HS6ST3: variants seen among roughly 807,000 people sequenced by gnomAD.
The protein encoded by HS6ST3 is heparan-sulfate 6-O-sulfotransferase 3.
A neutral mutation model predicts 36.7 loss-of-function variants in HS6ST3; 12 were observed. The observed-to-expected ratio is 0.33, with a 90% CI of 0.21 to 0.53. The LOEUF is 0.53. Ranked by LOEUF, HS6ST3 falls within the 20% of genes least tolerant of loss-of-function variation. HS6ST3 has a pLI of 0.95. For missense variants in HS6ST3, 584 were observed against 640.9 expected, an observed-to-expected ratio of 0.91 and a Z score of 0.96; for synonymous variants, 240 against 257.5, an observed-to-expected ratio of 0.93 and a Z score of 0.65.
chr13:96,321,888 C>T (rs2055004708), intron 1 of HS6ST3, among the ~76,000 whole-genome samples: 1 of 152,090 alleles, frequency 6.6e-6, no homozygotes, highest in Admixed American at 6.5e-5. Flanking sequence ...ACCATGCTTC[C>T]CTGGCCCATT....
intron 1 of HS6ST3, among the ~76,000 whole-genome samples, chr13:96,624,162 T>A (rs567977929): frequency 6.6e-6 from 1 of 152,208 alleles, no homozygotes; most frequent in Non-Finnish European, 1.5e-5. Flanking sequence ...CAGGTGTGTG[T>A]ATATATATAT....
At chr13:96,599,741 TC>T (rs2056414777) in intron 1 of HS6ST3, among the ~76,000 whole-genome samples, 1 of 152,152 alleles carries the variant, frequency 6.6e-6, no homozygotes, top group African/African-American at 2.4e-5. Context: ...AAGTTTGTGA[TC>T]TTTCTGTCCT....
At chr13:96,106,280 T>C (rs1033035871) in intron 1 of HS6ST3, among the ~76,000 whole-genome samples, 2 of 152,068 alleles carry the variant, frequency 1.3e-5, no homozygotes, top group African/African-American at 4.8e-5. Context: ...GAAGAGGAGA[T>C]GAGATGCCCC....
intron 1 of HS6ST3, among the ~76,000 whole-genome samples, chr13:96,257,363 T>A (rs2054642208): frequency 6.6e-6 from 1 of 152,150 alleles, no homozygotes; most frequent in African/African-American, 2.4e-5. Context: ...TATAGATTAT[T>A]TGCATCTTTC....
chr13:96,346,937 A>C (rs967403916), intron 1 of HS6ST3, among the ~76,000 whole-genome samples: 1 of 152,136 alleles, frequency 6.6e-6, no homozygotes, highest in Non-Finnish European at 1.5e-5. Context: ...GCATGCTTTG[A>C]TGAATCAAGC....
intron 1 of HS6ST3, among the ~76,000 whole-genome samples, chr13:96,227,445 G>A (rs1054585204): frequency 3.9e-5 from 6 of 152,176 alleles, no homozygotes; most frequent in African/African-American, 1.2e-4. Context: ...TATTAACTTG[G>A]TTAAGTTTTC....
chr13:96,444,377 A>T (rs2055688344), intron 1 of HS6ST3, among the ~76,000 whole-genome samples: 1 of 152,152 alleles, frequency 6.6e-6, no homozygotes, highest in South Asian at 2.1e-4. Context: ...TTTGGAATGG[A>T]CCCTGATGTG....
chr13:96,539,416 T>C (rs1013018283), intron 1 of HS6ST3, among the ~76,000 whole-genome samples: 2 of 151,478 alleles, frequency 1.3e-5, no homozygotes, highest in African/African-American at 4.9e-5. Context: ...AGTGCAGTGG[T>C]GAGATCTCCA....
At chr13:96,617,593 G>T (rs2056479068) in intron 1 of HS6ST3, among the ~76,000 whole-genome samples, 1 of 152,158 alleles carries the variant, frequency 6.6e-6, no homozygotes, top group South Asian at 2.1e-4. Flanking sequence ...ATTTAGCTGA[G>T]CCAGTAAAAG....
At chr13:96,363,506 ACACTAATTTCC>A (rs979526550) in intron 1 of HS6ST3, among the ~76,000 whole-genome samples, 5 of 152,276 alleles carry the variant, frequency 3.3e-5, no homozygotes, top group African/African-American at 1.2e-4. Context: ...ATAACAAAAA[ACACTAATTTCC>A]CAGTGAAACC....
chr13:96,708,748 G>A (rs995194620), intron 1 of HS6ST3, among the ~76,000 whole-genome samples: 1 of 152,164 alleles, frequency 6.6e-6, no homozygotes, highest in African/African-American at 2.4e-5. Context: ...CATCTGGGGA[G>A]CAGTTAGTTC....
intron 1 of HS6ST3, among the ~76,000 whole-genome samples, chr13:96,547,456 A>G (rs1045386905): frequency 2.0e-5 from 3 of 152,316 alleles, no homozygotes; most frequent in East Asian, 3.9e-4. Flanking sequence ...GTGTTAAATG[A>G]CAGGTACTAT....
chr13:96,152,687 T>A (rs1040560314), intron 1 of HS6ST3, among the ~76,000 whole-genome samples: 2 of 152,104 alleles, frequency 1.3e-5, no homozygotes, highest in African/African-American at 4.8e-5. Flanking sequence ...TCTATATGAT[T>A]CCCTATGCAA....
At chr13:96,626,077 C>T (rs1301729878) in intron 1 of HS6ST3, among the ~76,000 whole-genome samples, 1 of 151,914 alleles carries the variant, frequency 6.6e-6, no homozygotes, top group Non-Finnish European at 1.5e-5. Context: ...CTCGTGACCT[C>T]GTGATCCACC....
intron 1 of HS6ST3, among the ~76,000 whole-genome samples, chr13:96,347,870 C>G (rs1271009898): frequency 3.3e-5 from 5 of 152,226 alleles, no homozygotes. Flanking sequence ...TCTGTGCTTT[C>G]ATTCCAGAGC....
At chr13:96,579,569 A>G (rs1349375792) in intron 1 of HS6ST3, among the ~76,000 whole-genome samples, 1 of 152,228 alleles carries the variant, frequency 6.6e-6, no homozygotes, top group African/African-American at 2.4e-5. Context: ...TGTTAAAAAA[A>G]AAAAAAGTTT....
chr13:96,740,131 A>G (rs1231585064), intron 1 of HS6ST3, among the ~76,000 whole-genome samples: 1 of 152,164 alleles, frequency 6.6e-6, no homozygotes, highest in Non-Finnish European at 1.5e-5. Context: ...ATTATAAAAT[A>G]GCATATTTAT....
chr13:96,304,306 A>T (rs2054898439), intron 1 of HS6ST3, among the ~76,000 whole-genome samples: 1 of 152,166 alleles, frequency 6.6e-6, no homozygotes, highest in African/African-American at 2.4e-5. Context: ...TCCAGAATAG[A>T]CAGAAAGAGG....
At chr13:96,730,109 T>C (rs1240349733) in intron 1 of HS6ST3, among the ~76,000 whole-genome samples, 1 of 152,188 alleles carries the variant, frequency 6.6e-6, no homozygotes, top group Non-Finnish European at 1.5e-5. Flanking sequence ...TATCTCTCTG[T>C]TTTCACTGGT....
Sources: allele counts gnomAD v4.1 joint callset (sites outside exome capture counted in the v4.1 genomes callset), GRCh38; gene constraint gnomAD v4.1.1; transcripts MANE v1.5; gene names NCBI Gene and HGNC (gene_info 2026-07-23, HGNC 2026-07-21).